The following KIR2DL1 variants were observed in gnomAD, a reference collection of about 807,000 sequenced individuals.
KIR2DL1 encodes the protein killer cell immunoglobulin like receptor, two Ig domains and long cytoplasmic tail 1.
Under a neutral mutation model 33.9 loss-of-function variants are expected in KIR2DL1, and 38 were observed. That is an observed-to-expected ratio of 1.12 (90% CI 0.86 to 1.47). The LOEUF (loss-of-function observed/expected upper bound fraction) is 1.47. Ranked by LOEUF, KIR2DL1 falls within the 40% of genes most tolerant of loss-of-function variation. KIR2DL1 has a pLI of 0.00. For synonymous variants in KIR2DL1, 179 were observed against 165.9 expected, an observed-to-expected ratio of 1.08 and a Z score of -0.61; for missense variants, 531 against 433.9, an observed-to-expected ratio of 1.22 and a Z score of -1.99.
At position 54,778,602 on chromosome 19, in the gene KIR2DL1, C is replaced by T. The variant is rs1366509707; in HGVS notation, c.665-10C>T. 6.5e-7 allele frequency: 1 copy of T among 1,548,494 alleles called. No homozygotes were observed. Among genetic ancestry groups the T allele is most frequent in the Non-Finnish European group, 8.9e-7 (1 of 1,128,568 alleles). On this transcript the variant is annotated splice_polypyrimidine_tract_variant and intron_variant, in intron 4 of 7. Coordinates refer to ENST00000336077, the MANE Select transcript of KIR2DL1 (RefSeq NM_014218.3). The stretch of plus-strand genomic sequence containing the variant: ...TCATTTCCTCACCTCTCTCCTGTCT[C>T]ATGTTCTAGGAAACCCTTCAAATAG...
At chr19:54,781,690 G>C (rs2147620102) in intron 5 of KIR2DL1, among the ~76,000 whole-genome samples, 1 of 152,168 alleles carries the variant, frequency 6.6e-6, no homozygotes, top group Non-Finnish European at 1.5e-5. Context: ...CCTAATATGT[G>C]TCTCCCGAGA....
chr19:54,778,904 T>C (rs1172355220), intron 5 of KIR2DL1, among the ~76,000 whole-genome samples: 3 of 148,616 alleles, frequency 2.0e-5, no homozygotes, highest in Non-Finnish European at 4.5e-5. Context: ...ATTGCCAATC[T>C]GACATCCTTC....
chr19:54,773,656 T>A (rs761148887), intron 3 of KIR2DL1, 24 bp downstream of exon 3: 1 of 1,551,468 alleles, frequency 6.4e-7, no homozygotes, highest in East Asian at 2.3e-5. Flanking sequence ...GACTTTCTTC[T>A]CATTGTCATT....
At position 54,773,082 on chromosome 19, in the gene KIR2DL1, A is replaced by G. The variant is rs549210702; in HGVS notation, c.71-251A>G. Among the ~76,000 whole-genome samples the G allele has an allele frequency of 5.4e-5, 8 of 148,726 alleles. 1 individual carries two copies. The highest frequency in any genetic ancestry group is 2.0e-4 in the African/African-American group (8 of 40,890). Reference sequence around the variant, plus strand: ...AAGACATTAGTTCGAAATAGATACAACAGCCCAAGAGATGAGGCTGAGCCC... The same window carrying G: ...AAGACATTAGTTCGAAATAGATACAGCAGCCCAAGAGATGAGGCTGAGCCC... On this transcript the variant is annotated intron_variant, in intron 2 of 7. Coordinates refer to ENST00000336077, the MANE Select transcript of KIR2DL1 (RefSeq NM_014218.3).
intron 3 of KIR2DL1, among the ~76,000 whole-genome samples, chr19:54,774,488 G>A (rs1181755626): frequency 2.0e-5 from 3 of 148,268 alleles, no homozygotes; most frequent in Non-Finnish European, 4.5e-5. Flanking sequence ...AGACCGAGAG[G>A]CAGAGCAAGA....
chr19:54,773,320 C>G lies in KIR2DL1; in HGVS notation c.71-13C>G. The G allele has an allele frequency of 6.5e-7, 1 of 1,544,470 alleles. No homozygotes were observed. Among genetic ancestry groups the G allele is most frequent in the Middle Eastern group, 2.1e-4 (1 of 4,732 alleles). ...AGAGAGACACCTTCTAAACTCACAA[C>G]CTCTCTTCCTAGGAGTCCACAGAAA... On this transcript the variant is annotated splice_polypyrimidine_tract_variant and intron_variant, in intron 2 of 7. Coordinates refer to ENST00000336077, the MANE Select transcript of KIR2DL1 (RefSeq NM_014218.3).
chr19:54,774,754 A>G (rs1219558033), intron 3 of KIR2DL1, among the ~76,000 whole-genome samples: 1 of 148,302 alleles, frequency 6.7e-6, no homozygotes, highest in Non-Finnish European at 1.5e-5. Context: ...TAAATAGATG[A>G]TATATAGATA....
At chr19:54,774,373 G>A (rs1347291137) in intron 3 of KIR2DL1, among the ~76,000 whole-genome samples, 2 of 147,796 alleles carry the variant, frequency 1.4e-5, no homozygotes, top group Non-Finnish European at 3.0e-5. Context: ...ATGATGGAAG[G>A]GAGCAGAGAA....
chr19:54,778,779 C>T lies in KIR2DL1; in HGVS notation c.715+117C>T, dbSNP rs2076641216. ...ACATTGTACACTTGTCTTCCACCAT[C>T]TCCGAACTCCAGATACTCCTACAGC... On this transcript the variant is annotated intron_variant, in intron 5 of 7. Coordinates refer to ENST00000336077, the MANE Select transcript of KIR2DL1 (RefSeq NM_014218.3). 89 of 1,228,366 alleles carry T rather than the reference C, an allele frequency of 7.2e-5. No homozygotes were observed. In the South Asian group the frequency reaches 1.1e-3, roughly 15 times the overall value. 76.1% of individuals were successfully genotyped at this position (1,228,366 alleles called of 1,614,324 possible).
At chr19:54,778,550 T>C in intron 4 of KIR2DL1, 62 bp from the exon 5 acceptor site, 1 of 1,434,730 alleles carries the variant, frequency 7.0e-7, no homozygotes, top group South Asian at 1.2e-5. Context: ...TCCTCAAAGA[T>C]TTCCACTGAG....
At chr19:54,778,938 C>A (rs1394615488) in intron 5 of KIR2DL1, among the ~76,000 whole-genome samples, 6 of 147,136 alleles carry the variant, frequency 4.1e-5, no homozygotes, top group Non-Finnish European at 7.6e-5. Context: ...AATGTTTGTT[C>A]TACCTGCATT....
chr19:54,775,120 G>C (rs749526264), intron 3 of KIR2DL1, 45 bp from the exon 4 acceptor site: 4 of 1,534,402 alleles, frequency 2.6e-6, no homozygotes, highest in Admixed American at 3.9e-5. Flanking sequence ...AGGGAGCTGT[G>C]ACAAAGAAGA....
In KIR2DL1 at chr19:54,783,016, CA is replaced by C. The variant is rs1220669390; in HGVS notation, c.817del (p.Asn273MetfsTer4). 6.2e-6 allele frequency: 10 copies of C among 1,612,806 alleles called. No homozygotes were observed. Among genetic ancestry groups the C allele is most frequent in the Non-Finnish European group, 5.9e-6 (7 of 1,179,526 alleles). On this transcript the variant is annotated frameshift_variant, in exon 6 of 8. Transcript: ENST00000336077. LOFTEE classifies it high-confidence loss of function. ...FFLLHRWCSN[K>X]KNAAVMDQES... ...TTCTCCTTCATCGCTGGTGCTCCAA[CA>C]AAAAAAGTAAGTCTCACGAAGCAGA...
In KIR2DL1 at chr19:54,773,448, A is replaced by G. The variant is rs2075985319; in HGVS notation, c.186A>G (p.Arg62=). The stretch of plus-strand genomic sequence containing the variant: ...TGTTTGAACACTTCCTTCTGCACAG[A>G]GAGGGGATGTTTAACGACACTTTGC... The part of the protein sequence containing the change: ...DVMFEHFLLH[R]EGMFNDTLRL... Residue 62 remains arginine (R), a synonymous_variant, in exon 3 of 8, where the codon AGA becomes AGG. Coordinates refer to ENST00000336077, the MANE Select transcript of KIR2DL1 (RefSeq NM_014218.3). 1 of 1,589,712 alleles carries G rather than the reference A, an allele frequency of 6.3e-7. No individual in the cohort carries two copies. Among genetic ancestry groups the G allele is most frequent in the Non-Finnish European group, 8.6e-7 (1 of 1,161,252 alleles).
chr19:54,782,565 GA>G (rs1450770177), intron 5 of KIR2DL1, among the ~76,000 whole-genome samples: 1 of 151,998 alleles, frequency 6.6e-6, no homozygotes, highest in Admixed American at 6.5e-5. Flanking sequence ...GGAACTAATA[GA>G]GGGGGAACTT....
intron 5 of KIR2DL1, among the ~76,000 whole-genome samples, chr19:54,782,498 G>C (rs1477532383): frequency 1.3e-5 from 2 of 152,132 alleles, no homozygotes; most frequent in East Asian, 3.9e-4. Flanking sequence ...AAGAGAGGGA[G>C]CAAGGGGGAG....
intron 2 of KIR2DL1, among the ~76,000 whole-genome samples, chr19:54,772,998 A>G (rs2075924095): frequency 6.7e-6 from 1 of 148,330 alleles, no homozygotes. Context: ...CCAGGCTGCT[A>G]AGAGCCTGGA....
At chr19:54,773,682 T>A in intron 3 of KIR2DL1, 50 bp downstream of exon 3, 1 of 1,516,164 alleles carries the variant, frequency 6.6e-7, no homozygotes, top group Non-Finnish European at 9.0e-7. Context: ...GCAGAGTGAA[T>A]GATCCAGGAA....
chr19:54,778,434 T>C (rs62122990), intron 4 of KIR2DL1, among the ~76,000 whole-genome samples, 178 bp from the exon 5 acceptor site: 33,727 of 122,136 alleles, frequency 0.28, 5,444 homozygotes, highest in South Asian at 0.4. Flanking sequence ...TCTCTTTATA[T>C]CTTGAAGTCT....
Sources: allele counts gnomAD v4.1 joint callset (sites outside exome capture counted in the v4.1 genomes callset), GRCh38; gene constraint gnomAD v4.1.1; transcripts MANE v1.5; gene names NCBI Gene and HGNC (gene_info 2026-07-23, HGNC 2026-07-21).